NBEA: variants seen among roughly 807,000 people sequenced by gnomAD.
NBEA encodes the protein neurobeachin, also known as lysosomal-trafficking regulator 2.
In NBEA, 44 loss-of-function variants were observed where a neutral mutation model predicts 343.4. The ratio of observed to expected loss-of-function variants is 0.13; its 90% CI spans 0.10 to 0.16. The LOEUF (loss-of-function observed/expected upper bound fraction) is 0.16, where lower values mean the gene tolerates loss of function less well. Ranked by LOEUF, NBEA falls within the 10% of genes least tolerant of loss-of-function variation. NBEA has a pLI of 1.00. For synonymous variants in NBEA, 1,175 were observed against 1,238.7 expected (o/e 0.95, Z 1.08); for missense variants, 2,555 against 3,631.3 (o/e 0.70, Z 7.62).
At chr13:35,070,605 C>G (rs1330476289) in intron 9 of NBEA, 114 bp from the exon 10 acceptor site, 6 of 954,082 alleles carry the variant, frequency 6.3e-6, no homozygotes, top group Non-Finnish European at 8.5e-6. Flanking sequence ...TAATTGAAGG[C>G]TTAAAAATGT....
intron 1 of NBEA, among the ~76,000 whole-genome samples, chr13:35,002,207 G>A (rs2061164773): frequency 1.3e-5 from 2 of 152,152 alleles, no homozygotes; most frequent in South Asian, 4.1e-4. Context: ...GTTACATACA[G>A]TTTGTGGGTA....
At chr13:35,549,593 C>T (rs1313220969) in intron 41 of NBEA, among the ~76,000 whole-genome samples, 1 of 152,142 alleles carries the variant, frequency 6.6e-6, no homozygotes, top group Non-Finnish European at 1.5e-5. Context: ...TAGAGCCAAC[C>T]TTGGCCTTCC....
intron 1 of NBEA, among the ~76,000 whole-genome samples, chr13:34,975,268 C>A (rs2060125847): frequency 6.6e-6 from 1 of 152,164 alleles, no homozygotes; most frequent in Non-Finnish European, 1.5e-5. Context: ...AAAATAGACA[C>A]ATAGACCAAT....
At chr13:35,524,268 T>A (rs2077861769) in intron 41 of NBEA, among the ~76,000 whole-genome samples, 1 of 152,230 alleles carries the variant, frequency 6.6e-6, no homozygotes, top group South Asian at 2.1e-4. Context: ...TCCTCTCTTT[T>A]CGAGTATGTT....
intron 17 of NBEA, among the ~76,000 whole-genome samples, chr13:35,134,989 T>C: frequency 6.6e-6 from 1 of 152,080 alleles, no homozygotes. Context: ...TTTCTATATA[T>C]TTTATGTGTT....
intron 21 of NBEA, among the ~76,000 whole-genome samples, chr13:35,158,024 C>G (rs1200764527): frequency 6.6e-6 from 1 of 152,098 alleles, no homozygotes; most frequent in African/African-American, 2.4e-5. Flanking sequence ...TCTGATGCAG[C>G]TACTCAACTC....
chr13:35,475,935 G>A (rs780302682), intron 41 of NBEA: 9 of 1,614,148 alleles, frequency 5.6e-6, no homozygotes. Flanking sequence ...TGGGGGAGAT[G>A]ACCTCGAGGC....
At chr13:35,324,507 T>C (rs1352138009) in intron 36 of NBEA, among the ~76,000 whole-genome samples, 2 of 152,206 alleles carry the variant, frequency 1.3e-5, no homozygotes, top group Non-Finnish European at 2.9e-5. Flanking sequence ...ACAAAGGTAA[T>C]ATAATACATG....
intron 35 of NBEA, among the ~76,000 whole-genome samples, chr13:35,297,628 A>G (rs959030726): frequency 6.6e-6 from 1 of 151,988 alleles, no homozygotes; most frequent in Non-Finnish European, 1.5e-5. Context: ...TATGGATGTT[A>G]TTCATTTCAA....
intron 1 of NBEA, among the ~76,000 whole-genome samples, chr13:34,996,179 A>G (rs1168536162): frequency 6.6e-6 from 1 of 152,214 alleles, no homozygotes; most frequent in Admixed American, 6.5e-5. Flanking sequence ...TACTTCACAA[A>G]GTGTGATTAT....
chr13:35,581,789 T>C (rs1192398682), intron 45 of NBEA, among the ~76,000 whole-genome samples: 5 of 144,702 alleles, frequency 3.5e-5, no homozygotes, highest in African/African-American at 1.3e-4. Context: ...TGCTAGATGA[T>C]GAGTTAGTGG....
At chr13:34,957,307 C>T (rs1057202262) in intron 1 of NBEA, among the ~76,000 whole-genome samples, 5 of 152,062 alleles carry the variant, frequency 3.3e-5, no homozygotes, top group African/African-American at 4.8e-5. Context: ...GGAAGACAGT[C>T]TTAAAAGGTG....
At chr13:35,113,354 T>G (rs2152663125) in intron 13 of NBEA, among the ~76,000 whole-genome samples, 1 of 152,306 alleles carries the variant, frequency 6.6e-6, no homozygotes, top group East Asian at 1.9e-4. Flanking sequence ...TCCAGGTTTC[T>G]TCATTACAAA....
At chr13:35,663,381 G>T (rs2153086033) in intron 55 of NBEA, among the ~76,000 whole-genome samples, 1 of 152,278 alleles carries the variant, frequency 6.6e-6, no homozygotes, top group Admixed American at 6.5e-5. Context: ...GTCTTTCTGT[G>T]CCTGGCTAAT....
At chr13:35,232,737 A>T in intron 34 of NBEA, 118 bp downstream of exon 34, 7 of 720,596 alleles carry the variant, frequency 9.7e-6, no homozygotes, top group Non-Finnish European at 1.4e-5. Flanking sequence ...ATTACTTCAC[A>T]AATTCTAATA....
At chr13:35,354,082 G>A (rs1484948797) in intron 38 of NBEA, among the ~76,000 whole-genome samples, 2 of 151,978 alleles carry the variant, frequency 1.3e-5, no homozygotes, top group Non-Finnish European at 1.5e-5. Flanking sequence ...TTTACTTAAA[G>A]TTAACTGACT....
chr13:35,042,724 C>A (rs892890865), intron 2 of NBEA, among the ~76,000 whole-genome samples: 8 of 151,596 alleles, frequency 5.3e-5, no homozygotes, highest in Non-Finnish European at 7.4e-5. Context: ...TCTAGCATTT[C>A]CCTTCAAAAG....
chr13:35,570,438 A>G (rs2080349484), intron 45 of NBEA, among the ~76,000 whole-genome samples: 1 of 152,250 alleles, frequency 6.6e-6, no homozygotes, highest in African/African-American at 2.4e-5. Flanking sequence ...AGTGTTAAGT[A>G]AATAATACAG....
intron 1 of NBEA, among the ~76,000 whole-genome samples, chr13:35,029,817 G>A (rs1313477948): frequency 1.3e-5 from 2 of 151,564 alleles, no homozygotes; most frequent in African/African-American, 4.8e-5. Flanking sequence ...ATTCAGTAAA[G>A]TTTATTTACT....
Sources: allele counts gnomAD v4.1 joint callset (sites outside exome capture counted in the v4.1 genomes callset), GRCh38; gene constraint gnomAD v4.1.1; transcripts MANE v1.5; gene names NCBI Gene and HGNC (gene_info 2026-07-23, HGNC 2026-07-21).